AKAP7: variants seen among roughly 807,000 people sequenced by gnomAD.
AKAP7 encodes A-kinase anchoring protein 7.
In AKAP7, 39 loss-of-function variants were observed where a neutral mutation model predicts 39.5. The observed-to-expected ratio is 0.99, with a 90% CI of 0.76 to 1.29. The LOEUF is 1.29. Ranked by LOEUF, AKAP7 falls within the 50% of genes most tolerant of loss-of-function variation. The pLI, the probability that AKAP7 is intolerant of heterozygous loss-of-function variation, is 0.00. For synonymous variants in AKAP7, 140 were observed against 139.1 expected (o/e 1.01, Z -0.05); for missense variants, 414 against 407.7 (o/e 1.02, Z -0.13).
chr6:131,163,230 G>T (rs1208532230), intron 3 of AKAP7, among the ~76,000 whole-genome samples: 2 of 152,144 alleles, frequency 1.3e-5, no homozygotes, highest in African/African-American at 4.8e-5. Context: ...CTTTTCAAGA[G>T]ACTTATTTGT....
chr6:131,266,537 T>C (rs1813811998), intron 7 of AKAP7, among the ~76,000 whole-genome samples: 1 of 152,168 alleles, frequency 6.6e-6, no homozygotes, highest in Non-Finnish European at 1.5e-5. Context: ...TTAAAACAAT[T>C]TAGTTTTTGT....
chr6:131,165,748 G>A (rs145347859), intron 4 of AKAP7, among the ~76,000 whole-genome samples: 1 of 151,792 alleles, frequency 6.6e-6, no homozygotes, highest in African/African-American at 2.4e-5. Context: ...TACCCCCACC[G>A]CCCCCATGCC....
At chr6:131,205,904 G>T (rs1808051133) in intron 6 of AKAP7, among the ~76,000 whole-genome samples, 1 of 152,154 alleles carries the variant, frequency 6.6e-6, no homozygotes, top group Non-Finnish European at 1.5e-5. Context: ...CAGGTTATTT[G>T]TAGTTTTTTC....
chr6:131,139,301 T>G (rs561390991), intron 1 of AKAP7, among the ~76,000 whole-genome samples: 2 of 152,296 alleles, frequency 1.3e-5, no homozygotes, highest in East Asian at 3.9e-4. Flanking sequence ...TCTCAAAAAT[T>G]GTTGAGTTAA....
At chr6:131,264,987 CA>C (rs1408092983) in intron 7 of AKAP7, among the ~76,000 whole-genome samples, 2 of 152,144 alleles carry the variant, frequency 1.3e-5, no homozygotes, top group Non-Finnish European at 2.9e-5. Context: ...CCCCATGATC[CA>C]AATACCTCCC....
At position 131,282,378 on chromosome 6, in the gene AKAP7, T is replaced by C; in HGVS notation, c.*652T>C. 2 of 1,443,116 alleles carry C rather than the reference T, an allele frequency of 1.4e-6. No homozygotes were observed. The highest frequency in any genetic ancestry group is 1.8e-6 in the Non-Finnish European group (2 of 1,099,302). 89.4% of individuals were successfully genotyped at this position (1,443,116 alleles called of 1,614,324 possible). ...TATGCCATATTTAATGAAATGTTAT[T>C]ATATAATTTTTTTTTCTTAGGCAAG... On this transcript the variant is annotated 3_prime_UTR_variant, in exon 8 of 8. Transcript: ENST00000431975.
At chr6:131,242,807 T>C (rs1458308048) in intron 7 of AKAP7, among the ~76,000 whole-genome samples, 1 of 151,616 alleles carries the variant, frequency 6.6e-6, no homozygotes, top group East Asian at 1.9e-4. Flanking sequence ...AGCAGTTTCT[T>C]ATACTTAATC....
At chr6:131,232,358 G>A (rs191003679) in intron 7 of AKAP7, among the ~76,000 whole-genome samples, 1 of 152,286 alleles carries the variant, frequency 6.6e-6, no homozygotes. Flanking sequence ...AATTCTTAGT[G>A]TGCAGTCTGG....
At chr6:131,164,521 C>A (rs139132960) in intron 3 of AKAP7, 3 of 436,824 alleles carry the variant, frequency 6.9e-6, no homozygotes, top group African/African-American at 2.0e-5. Flanking sequence ...ATGGTAATGC[C>A]CCTCCCCACA....
At chr6:131,187,230 A>G (rs1454812425) in intron 5 of AKAP7, among the ~76,000 whole-genome samples, 2 of 152,144 alleles carry the variant, frequency 1.3e-5, no homozygotes, top group African/African-American at 2.4e-5. Context: ...TTTTAACAAT[A>G]TGTTGTCCTT....
At chr6:131,233,825 C>A (rs1359224298) in intron 7 of AKAP7, among the ~76,000 whole-genome samples, 1 of 152,170 alleles carries the variant, frequency 6.6e-6, no homozygotes, top group Non-Finnish European at 1.5e-5. Flanking sequence ...GAAGTTTCTT[C>A]TGTCATTAGA....
chr6:131,184,477 C>G, intron 5 of AKAP7: 3 of 668,248 alleles, frequency 4.5e-6, no homozygotes, highest in South Asian at 2.9e-5. Flanking sequence ...AAAAGCCCAG[C>G]TGGTCATCAT....
chr6:131,193,947 T>C lies in AKAP7; in HGVS notation c.590-5514T>C, dbSNP rs866347532. Among the ~76,000 whole-genome samples, 5 of 152,104 alleles carry C rather than the reference T, an allele frequency of 3.3e-5. 1 individual carries two copies. The highest frequency in any genetic ancestry group is 1.2e-4 in the African/African-American group (5 of 41,458). ...TATTTGGTTCTTCTATCTTTGTTCT[T>C]AGTCTGGCTAAAGGTTTGTCAATTT... On this transcript the variant is annotated intron_variant, in intron 5 of 7. Transcript: ENST00000431975.
At chr6:131,173,133 G>A (rs187525952) in intron 5 of AKAP7, among the ~76,000 whole-genome samples, 88 of 151,034 alleles carry the variant, frequency 5.8e-4, no homozygotes, top group African/African-American at 1.9e-3. Context: ...CCCGGGAGGC[G>A]GAGGTTGCAG....
At chr6:131,148,423 A>G (rs1294957255) in intron 2 of AKAP7, among the ~76,000 whole-genome samples, 1 of 152,010 alleles carries the variant, frequency 6.6e-6, no homozygotes, top group Non-Finnish European at 1.5e-5. Context: ...CGTTTTGGTT[A>G]CTTCATTATC....
At chr6:131,214,332 T>A (rs1412268209) in intron 6 of AKAP7, among the ~76,000 whole-genome samples, 3 of 152,204 alleles carry the variant, frequency 2.0e-5, no homozygotes, top group Non-Finnish European at 4.4e-5. Context: ...TGCTTTTTCT[T>A]TCTGTAAAGC....
chr6:131,241,615 G>GTGTGTGTATACGTATATA (rs1811585093), intron 7 of AKAP7, among the ~76,000 whole-genome samples: 7 of 101,334 alleles, frequency 6.9e-5, no homozygotes, highest in African/African-American at 1.8e-4. Context: ...GTGTGTGTGT[G>GTGTGTGTATACGTATATA]TGTGTGTGTG....
At chr6:131,143,071 A>G (rs1276208759) in intron 1 of AKAP7, among the ~76,000 whole-genome samples, 1 of 152,086 alleles carries the variant, frequency 6.6e-6, no homozygotes, top group Non-Finnish European at 1.5e-5. Context: ...CTTCTTTTTG[A>G]TTTTACAGGC....
At chr6:131,261,505 G>T (rs1033910628) in intron 7 of AKAP7, among the ~76,000 whole-genome samples, 1 of 151,932 alleles carries the variant, frequency 6.6e-6, no homozygotes, top group Non-Finnish European at 1.5e-5. Context: ...AATTAGTTTG[G>T]TAAATTTAAC....
Sources: allele counts gnomAD v4.1 joint callset (sites outside exome capture counted in the v4.1 genomes callset), GRCh38; gene constraint gnomAD v4.1.1; transcripts MANE v1.5; gene names NCBI Gene and HGNC (gene_info 2026-07-23, HGNC 2026-07-21).